The following SCFD2 variants were observed in gnomAD, a reference collection of about 807,000 sequenced individuals.
The protein encoded by SCFD2 is sec1 family domain containing 2.
SCFD2 carries 54 observed loss-of-function variants against 58.9 expected under a neutral mutation model. The observed-to-expected ratio is 0.92, with a 90% CI of 0.74 to 1.15. The LOEUF is 1.15. Among genes scored for constraint, SCFD2 ranks in the 50% most tolerant of loss-of-function variants. SCFD2 has a pLI of 0.00. For synonymous variants in SCFD2, 321 were observed against 335.9 expected, an observed-to-expected ratio of 0.96 and a Z score of 0.49; for missense variants, 805 against 836.6, an observed-to-expected ratio of 0.96 and a Z score of 0.47.
chr4:53,137,515 ATAG>A (rs1244462456), intron 5 of SCFD2, among the ~76,000 whole-genome samples: 1 of 152,258 alleles, frequency 6.6e-6, no homozygotes, highest in African/African-American at 2.4e-5. Flanking sequence ...ATATAAAGCT[ATAG>A]TAATTGATAG....
At chr4:53,088,745 T>A (rs115327681) in intron 5 of SCFD2, among the ~76,000 whole-genome samples, 1 of 152,068 alleles carries the variant, frequency 6.6e-6, no homozygotes, top group Non-Finnish European at 1.5e-5. Flanking sequence ...AAATTTTAGG[T>A]TGATGCTGGA....
chr4:53,340,230 A>C (rs1412643372), intron 2 of SCFD2, among the ~76,000 whole-genome samples: 2 of 152,122 alleles, frequency 1.3e-5, no homozygotes, highest in Non-Finnish European at 2.9e-5. Context: ...GCTGTGACAG[A>C]CGGCACCTGG....
chr4:53,330,335 C>T (rs957498334), intron 2 of SCFD2, among the ~76,000 whole-genome samples: 1 of 151,664 alleles, frequency 6.6e-6, no homozygotes, highest in Non-Finnish European at 1.5e-5. Flanking sequence ...ATGTTCAGGG[C>T]AGCCAGAGAG....
chr4:52,999,610 AC>A (rs1721820123), intron 5 of SCFD2, among the ~76,000 whole-genome samples: 1 of 152,226 alleles, frequency 6.6e-6, no homozygotes, highest in Admixed American at 6.5e-5. Context: ...GAGGGCAGGG[AC>A]ATCAAGGTAA....
intron 5 of SCFD2, among the ~76,000 whole-genome samples, chr4:52,931,705 A>C (rs140537651): frequency 3.3e-5 from 5 of 152,314 alleles, no homozygotes; most frequent in African/African-American, 9.6e-5. Context: ...CCCAGTGTAT[A>C]GTTTCAGAAT....
At chr4:53,351,470 C>T (rs1226252481) in intron 2 of SCFD2, among the ~76,000 whole-genome samples, 4 of 152,138 alleles carry the variant, frequency 2.6e-5, no homozygotes, top group African/African-American at 7.2e-5. Flanking sequence ...TCAAATTATG[C>T]TTGGGTATAA....
At chr4:53,023,527 C>T (rs1722399546) in intron 5 of SCFD2, among the ~76,000 whole-genome samples, 1 of 152,038 alleles carries the variant, frequency 6.6e-6, no homozygotes, top group South Asian at 2.1e-4. Flanking sequence ...CCTCACAATC[C>T]CAAATTCTAA....
intron 4 of SCFD2, among the ~76,000 whole-genome samples, chr4:53,160,351 A>G (rs1214634691): frequency 5.9e-5 from 9 of 152,230 alleles, no homozygotes; most frequent in South Asian, 4.1e-4. Flanking sequence ...AGCAATTTCA[A>G]TAAACCAAGT....
At chr4:53,272,350 G>A (rs1240875511) in intron 4 of SCFD2, among the ~76,000 whole-genome samples, 1 of 152,010 alleles carries the variant, frequency 6.6e-6, no homozygotes, top group Non-Finnish European at 1.5e-5. Flanking sequence ...CCCATTACTG[G>A]GTATATACCC....
At chr4:53,097,027 A>G (rs1724670793) in intron 5 of SCFD2, among the ~76,000 whole-genome samples, 1 of 152,014 alleles carries the variant, frequency 6.6e-6, no homozygotes, top group Non-Finnish European at 1.5e-5. Context: ...ATGGTTGTAG[A>G]TGTGTGGTAT....
At chr4:53,065,319 G>C (rs546665738) in intron 5 of SCFD2, among the ~76,000 whole-genome samples, 11 of 152,132 alleles carry the variant, frequency 7.2e-5, no homozygotes, top group Middle Eastern at 3.4e-3. Context: ...GTAGCCTGGG[G>C]GAAAGGATAA....
intron 5 of SCFD2, among the ~76,000 whole-genome samples, chr4:53,112,486 A>G (rs1198364151): frequency 2.6e-5 from 4 of 152,066 alleles, no homozygotes; most frequent in Non-Finnish European, 5.9e-5. Flanking sequence ...TCTGCCATCA[A>G]AGGGTCTATC....
intron 5 of SCFD2, among the ~76,000 whole-genome samples, chr4:52,971,441 T>C (rs999408638): frequency 5.9e-5 from 9 of 151,796 alleles, no homozygotes; most frequent in African/African-American, 1.9e-4. Flanking sequence ...ATGAATGAAA[T>C]GAAGCGAGAA....
At chr4:53,199,825 G>A (rs760177543) in intron 4 of SCFD2, among the ~76,000 whole-genome samples, 13 of 152,110 alleles carry the variant, frequency 8.5e-5, no homozygotes, top group Non-Finnish European at 1.6e-4. Context: ...GAAGCTGGAA[G>A]TTTGACATCA....
In SCFD2 at chr4:53,258,538, G is replaced by GTATATATATA. The variant is rs59321045; in HGVS notation, c.1311+15278_1311+15287dup. Among the ~76,000 whole-genome samples, 435 of 119,668 alleles carry GTATATATATA rather than the reference G, an allele frequency of 3.6e-3. 1 individual carries two copies. Among genetic ancestry groups the GTATATATATA allele is most frequent in the African/African-American group, 6.0e-3 (174 of 29,168 alleles). The allele number at this position is 119,668 out of a possible 152,430, so 78.5% of individuals were successfully genotyped here. On this transcript the variant is annotated intron_variant, in intron 4 of 8. Coordinates refer to ENST00000401642, the MANE Select transcript of SCFD2 (RefSeq NM_152540.4). The stretch of plus-strand genomic sequence containing the variant: ...CTAAGTCGTATTCCATGGTGTGTGT[G>GTATATATATA]TATATATATATATATATATATATAT...
chr4:53,118,889 T>A (rs969004286), intron 5 of SCFD2, among the ~76,000 whole-genome samples: 7 of 152,108 alleles, frequency 4.6e-5, no homozygotes, highest in Admixed American at 2.0e-4. Flanking sequence ...GGTATCCATA[T>A]CACATGGGGG....
chr4:53,182,968 G>C (rs1727622444), intron 4 of SCFD2, among the ~76,000 whole-genome samples: 1 of 152,166 alleles, frequency 6.6e-6, no homozygotes, highest in Non-Finnish European at 1.5e-5. Flanking sequence ...TCACACCCCA[G>C]TTAGAATGGC....
chr4:53,064,531 T>A (rs529372531), intron 5 of SCFD2, among the ~76,000 whole-genome samples: 29 of 152,244 alleles, frequency 1.9e-4, no homozygotes, highest in African/African-American at 7.0e-4. Flanking sequence ...TTACTTTCAA[T>A]ACCAATCTCT....
At chr4:53,089,557 T>G (rs1724412849) in intron 5 of SCFD2, among the ~76,000 whole-genome samples, 3 of 152,276 alleles carry the variant, frequency 2.0e-5, no homozygotes, top group Admixed American at 2.0e-4. Flanking sequence ...AAAAGTCAAA[T>G]TTCTTTAATT....
Sources: gnomAD v4.1 joint callset for allele counts (sites outside exome capture counted in the v4.1 genomes callset) on GRCh38, gnomAD v4.1.1 for gene constraint, MANE v1.5 for transcripts, NCBI Gene and HGNC (gene_info 2026-07-23, HGNC 2026-07-21) for gene names.